FAM13B: variants seen among roughly 807,000 people sequenced by gnomAD.
FAM13B encodes the protein family with sequence similarity 13 member B, also known as protein FAM13B.
In FAM13B, 60 loss-of-function variants were observed where a neutral mutation model predicts 117.3. The ratio of observed to expected loss-of-function variants is 0.51; its 90% confidence interval spans 0.42 to 0.63. FAM13B has a LOEUF of 0.63. FAM13B is among the 30% of genes least tolerant of loss of function. The pLI is 0.00. For missense variants in FAM13B, 972 were observed against 1,091.9 expected, an observed-to-expected ratio of 0.89 and a Z score of 1.55; for synonymous variants, 332 against 356.1, an observed-to-expected ratio of 0.93 and a Z score of 0.76.
intron 6 of FAM13B, 47 bp from the exon 7 acceptor site, chr5:138,007,194 T>A: frequency 7.2e-7 from 1 of 1,391,982 alleles, no homozygotes; most frequent in Non-Finnish European, 9.7e-7. Context: ...ATGAAACCGT[T>A]AACACATCTA....
intron 10 of FAM13B, among the ~76,000 whole-genome samples, chr5:137,981,998 G>T (rs748065219): frequency 2.0e-5 from 3 of 152,202 alleles, no homozygotes; most frequent in Non-Finnish European, 4.4e-5. Context: ...TTATGATTTA[G>T]CTGTCTCAAT....
chr5:137,983,226 TATCCTGA>T (rs1025827902), intron 10 of FAM13B, among the ~76,000 whole-genome samples: 9 of 123,352 alleles, frequency 7.3e-5, no homozygotes, highest in African/African-American at 2.8e-4. Context: ...CCGAGTGAGA[TATCCTGA>T]ATGCCAAGTG....
At chr5:137,996,032 G>A (rs1779773549) in intron 7 of FAM13B, among the ~76,000 whole-genome samples, 1 of 152,108 alleles carries the variant, frequency 6.6e-6, no homozygotes, top group Admixed American at 6.6e-5. Flanking sequence ...ATGACTCGAT[G>A]AAAGAAAAGA....
intron 10 of FAM13B, among the ~76,000 whole-genome samples, chr5:137,984,984 T>C (rs1711969004): frequency 1.3e-5 from 2 of 151,994 alleles, no homozygotes; most frequent in Admixed American, 6.6e-5. Flanking sequence ...TTAGCCAGGA[T>C]GGTCTCGATC....
chr5:137,940,094 A>T lies in FAM13B; in HGVS notation c.*131T>A. 6.2e-7 allele frequency: 1 copy of T among 1,614,156 alleles called. No homozygotes were observed. The stretch of plus-strand genomic sequence containing the variant: ...CCCATCATTTGTTTTGTTTAGTGGC[A>T]CCACAACCAAGTACAAAATGAGATT... On this transcript the variant is annotated 3_prime_UTR_variant, in exon 24 of 24. Coordinates refer to ENST00000689681, the MANE Select transcript of FAM13B (RefSeq NM_001385994.1).
Position 138,046,948 on chromosome 5 carries a change from C to T in FAM13B, c.-203+4930G>A, listed in dbSNP as rs1791656811. Among the ~76,000 whole-genome samples, 3 of 151,624 alleles carry T rather than the reference C, an allele frequency of 2.0e-5. 1 individual carries two copies. The highest frequency in any genetic ancestry group is 2.0e-4 in the Admixed American group (3 of 15,232). On this transcript the variant is annotated intron_variant, in intron 1 of 3. Transcript: ENST00000502471. The stretch of plus-strand genomic sequence containing the variant: ...TTTAGTAGAGACGGGGTTTCACCAT[C>T]TTGGCCAGGCTGGTCTTGAACTCCT...
At chr5:137,990,953 G>C (rs1246914434) in intron 7 of FAM13B, among the ~76,000 whole-genome samples, 2 of 152,000 alleles carry the variant, frequency 1.3e-5, no homozygotes, top group East Asian at 1.9e-4. Context: ...GCATTTCAAA[G>C]AGCTCTAAAA....
intron 10 of FAM13B, among the ~76,000 whole-genome samples, chr5:137,974,310 G>A (rs1773229882): frequency 6.6e-6 from 1 of 151,740 alleles, no homozygotes; most frequent in Admixed American, 6.6e-5. Flanking sequence ...TCCTTTGCAG[G>A]GACATGGATG....
intron 11 of FAM13B, 99 bp downstream of exon 11, chr5:137,962,306 A>G (rs935490176): frequency 2.2e-6 from 2 of 903,504 alleles, no homozygotes; most frequent in Admixed American, 2.3e-5. Flanking sequence ...TCTAAACTAT[A>G]TATTTATAAT....
chr5:138,005,186 G>A (rs1782239721), intron 7 of FAM13B, among the ~76,000 whole-genome samples: 1 of 152,204 alleles, frequency 6.6e-6, no homozygotes, highest in African/African-American at 2.4e-5. Flanking sequence ...GCAGTGAGCC[G>A]AGATTGTGCC....
In FAM13B at chr5:137,939,812, A is replaced by G; in HGVS notation, c.*413T>C. On this transcript the variant is annotated 3_prime_UTR_variant, in exon 24 of 24. Coordinates refer to ENST00000689681, the MANE Select transcript of FAM13B (RefSeq NM_001385994.1). ...AATTTTCAGTCATTCTGTAAGAAAA[A>G]GGCAACAGAAGAATTCAGTATGAAG... 1.7e-6 allele frequency: 2 copies of G among 1,211,010 alleles called. No individual in the cohort carries two copies. Among genetic ancestry groups the G allele is most frequent in the Non-Finnish European group, 2.1e-6 (2 of 969,298 alleles). 75.0% of individuals were successfully genotyped at this position (1,211,010 alleles called of 1,614,324 possible). A position where few individuals can be genotyped will look rare whatever the true frequency, so the allele number is the denominator to read the frequency against.
intron 7 of FAM13B, among the ~76,000 whole-genome samples, chr5:138,002,444 T>C (rs913152299): frequency 1.3e-5 from 2 of 151,778 alleles, no homozygotes; most frequent in African/African-American, 4.8e-5. Flanking sequence ...GGCAGTAGAA[T>C]TGAGAACCCA....
chr5:137,949,429 G>A (rs1396655435), intron 17 of FAM13B, among the ~76,000 whole-genome samples: 2 of 152,106 alleles, frequency 1.3e-5, no homozygotes, highest in Non-Finnish European at 2.9e-5. Flanking sequence ...CTTGAGCCCA[G>A]GAGTTTGAGA....
chr5:137,954,164 A>G lies in FAM13B; in HGVS notation c.1718+2T>C. On this transcript the variant is annotated splice_donor_variant, in intron 15 of 23. Coordinates refer to ENST00000689681, the MANE Select transcript of FAM13B (RefSeq NM_001385994.1). LOFTEE classifies it high-confidence loss of function. ...TCTTGTAAGTACATAAAAATCATAT[A>G]CCTAGTAAAAGACAGTGCTTTAGAT... The G allele has an allele frequency of 6.2e-7, 1 of 1,611,238 alleles. No individual in the cohort carries two copies. Among genetic ancestry groups the G allele is most frequent in the Non-Finnish European group, 8.5e-7 (1 of 1,177,920 alleles).
At chr5:138,023,107 G>A (rs1031840028) in intron 1 of FAM13B, among the ~76,000 whole-genome samples, 1 of 152,082 alleles carries the variant, frequency 6.6e-6, no homozygotes, top group African/African-American at 2.4e-5. Flanking sequence ...CTCCCAGTCA[G>A]GAGCCTATTA....
intron 7 of FAM13B, among the ~76,000 whole-genome samples, chr5:137,997,540 A>G (rs992216453): frequency 3.3e-5 from 5 of 151,902 alleles, no homozygotes; most frequent in African/African-American, 1.2e-4. Context: ...AACAATTTAG[A>G]AACAATCTTG....
upstream of FAM13B, among the ~76,000 whole-genome samples, chr5:138,034,494 A>G (rs1240335073): frequency 6.6e-6 from 1 of 152,188 alleles, no homozygotes; most frequent in African/African-American, 2.4e-5. Flanking sequence ...ATAAGAAGGG[A>G]TTGTCCAAGG....
intron 1 of FAM13B, among the ~76,000 whole-genome samples, chr5:138,046,640 T>C (rs1581334498): frequency 6.6e-6 from 1 of 152,280 alleles, no homozygotes; most frequent in East Asian, 1.9e-4. Context: ...TTTGGAGCTA[T>C]TGATAAATGC....
intron 9 of FAM13B, 150 bp downstream of exon 9, chr5:137,987,311 G>A (rs546944953): frequency 4.9e-5 from 28 of 572,422 alleles, no homozygotes; most frequent in Non-Finnish European, 8.1e-5. Flanking sequence ...AAGTATGGAT[G>A]TATATACAAG....
Sources: allele counts gnomAD v4.1 joint callset (sites outside exome capture counted in the v4.1 genomes callset), GRCh38; gene constraint gnomAD v4.1.1; transcripts MANE v1.5; gene names NCBI Gene and HGNC (gene_info 2026-07-23, HGNC 2026-07-21).